DTD1: variants seen among roughly 807,000 people sequenced by gnomAD.
DTD1 encodes D-tyrosyl-tRNA deacylase 1 homolog.
A neutral mutation model predicts 25.6 loss-of-function variants in DTD1; 13 were observed. The observed-to-expected ratio is 0.51, with a 90% confidence interval of 0.33 to 0.81. The LOEUF (loss-of-function observed/expected upper bound fraction) is 0.81, where lower values mean the gene tolerates loss of function less well. Ranked by LOEUF, DTD1 falls within the 30% of genes least tolerant of loss-of-function variation. The pLI, the probability that DTD1 is intolerant of heterozygous loss-of-function variation, is 0.02. For missense variants in DTD1, 193 were observed against 266.4 expected, an observed-to-expected ratio of 0.72 and a Z score of 1.92; for synonymous variants, 110 against 103.6, an observed-to-expected ratio of 1.06 and a Z score of -0.37.
chr20:18,606,853 A>C (rs939365702), intron 3 of DTD1, among the ~76,000 whole-genome samples: 1 of 149,852 alleles, frequency 6.7e-6, no homozygotes, highest in African/African-American at 2.5e-5. Flanking sequence ...GGTGTAGCGC[A>C]CCAGCATGGC....
At chr20:18,664,818 AG>A (rs1411338057) in intron 4 of DTD1, among the ~76,000 whole-genome samples, 2 of 152,038 alleles carry the variant, frequency 1.3e-5, no homozygotes, top group Non-Finnish European at 2.9e-5. Flanking sequence ...TGGTCAGTTT[AG>A]GGGCCCTGCA....
intron 4 of DTD1, chr20:18,642,921 T>TTTCTG: frequency 6.6e-6 from 1 of 151,472 alleles, no homozygotes; most frequent in Non-Finnish European, 1.5e-5. Flanking sequence ...TTTCTTTTCT[T>TTTCTG]TTATTTTTTT....
chr20:18,736,738 C>T (rs534066707), intron 4 of DTD1, among the ~76,000 whole-genome samples: 1 of 152,172 alleles, frequency 6.6e-6, no homozygotes, highest in Non-Finnish European at 1.5e-5. Context: ...AAGGCAAGCC[C>T]CTCACCTGCC....
Position 18,765,375 on chromosome 20 carries a change from G to A in DTD1, c.*2035G>A, listed in dbSNP as rs1029449437. On this transcript the variant is annotated 3_prime_UTR_variant, in exon 6 of 6. Transcript: ENST00000377452. The stretch of plus-strand genomic sequence containing the variant: ...CTTTTGGTGTTTGAGCAGAAATTCT[G>A]AGCCTATATGTGTGAGGGGGGATCT... The A allele has an allele frequency of 6.6e-6, 1 of 152,220 alleles. No homozygotes were observed. Among genetic ancestry groups the A allele is most frequent in the African/African-American group, 2.4e-5 (1 of 41,452 alleles). The allele number at this position is 152,220 out of a possible 1,614,324, so 9.4% of individuals were successfully genotyped here.
intron 3 of DTD1, among the ~76,000 whole-genome samples, chr20:18,613,804 C>A (rs904457973): frequency 6.6e-6 from 1 of 152,154 alleles, no homozygotes; most frequent in East Asian, 1.9e-4. Context: ...GTGTTTAGGT[C>A]ATTTGTTGAT....
chr20:18,613,704 C>T (rs1259745618), intron 3 of DTD1, among the ~76,000 whole-genome samples: 6 of 152,138 alleles, frequency 3.9e-5, no homozygotes. Context: ...TGGTGTGATG[C>T]ATACTTTGAG....
chr20:18,688,659 T>G (rs6081300), intron 4 of DTD1, among the ~76,000 whole-genome samples: 151,920 of 152,112 alleles, frequency 1, 75,865 homozygotes, highest in Middle Eastern at 1. Flanking sequence ...GACCCATCTT[T>G]CTATACTAGA....
chr20:18,714,288 C>G (rs936633389), intron 4 of DTD1, among the ~76,000 whole-genome samples: 2 of 152,146 alleles, frequency 1.3e-5, no homozygotes, highest in East Asian at 3.8e-4. Context: ...CATTCCCAAC[C>G]ACTTGTGTGT....
intron 4 of DTD1, among the ~76,000 whole-genome samples, chr20:18,724,718 AT>A (rs1238811952): frequency 6.6e-6 from 1 of 152,224 alleles, no homozygotes; most frequent in Non-Finnish European, 1.5e-5. Flanking sequence ...TTTTCTTCAA[AT>A]TGACCTAAAA....
intron 4 of DTD1, among the ~76,000 whole-genome samples, chr20:18,708,652 G>A (rs1600383769): frequency 1.3e-5 from 2 of 151,722 alleles, no homozygotes; most frequent in Non-Finnish European, 2.9e-5. Context: ...CACTGCGCCC[G>A]GCCACGAACT....
At chr20:18,590,933 G>C (rs1207085303) in intron 1 of DTD1, among the ~76,000 whole-genome samples, 1 of 152,224 alleles carries the variant, frequency 6.6e-6, no homozygotes, top group Non-Finnish European at 1.5e-5. Context: ...TCTGTGAACA[G>C]TGTTGGAAGA....
intron 4 of DTD1, among the ~76,000 whole-genome samples, chr20:18,634,624 T>C (rs935581980): frequency 3.3e-5 from 5 of 152,248 alleles, no homozygotes; most frequent in African/African-American, 1.2e-4. Flanking sequence ...TCTGTATACT[T>C]GTCTTATCAG....
At chr20:18,632,732 A>G (rs2060793300) in intron 4 of DTD1, 1 of 883,670 alleles carries the variant, frequency 1.1e-6, no homozygotes, top group Admixed American at 6.2e-5. Context: ...CTTTTAAAAT[A>G]TAAATAAGTT....
intron 5 of DTD1, among the ~76,000 whole-genome samples, chr20:18,761,124 GCTGT>G (rs1414673724): frequency 6.6e-6 from 1 of 152,178 alleles, no homozygotes; most frequent in Non-Finnish European, 1.5e-5. Context: ...TTTTCCAGGT[GCTGT>G]CTATCACCCC....
intron 3 of DTD1, among the ~76,000 whole-genome samples, chr20:18,619,637 C>A (rs1023916180): frequency 6.6e-6 from 1 of 152,114 alleles, no homozygotes; most frequent in Admixed American, 6.5e-5. Context: ...GTTGCCCAGG[C>A]TGGTCTTGAA....
intron 5 of DTD1, among the ~76,000 whole-genome samples, chr20:18,760,314 A>T (rs956881844): frequency 6.6e-6 from 1 of 152,082 alleles, no homozygotes; most frequent in Non-Finnish European, 1.5e-5. Context: ...AGGTGCTCTG[A>T]TTTTTAGAAT....
intron 4 of DTD1, among the ~76,000 whole-genome samples, chr20:18,736,507 T>C (rs934820405): frequency 6.6e-6 from 1 of 152,262 alleles, no homozygotes; most frequent in Non-Finnish European, 1.5e-5. Context: ...AGGTGCTTCA[T>C]GAGTGATGCT....
At chr20:18,673,895 A>T (rs1298316278) in intron 4 of DTD1, among the ~76,000 whole-genome samples, 6 of 148,812 alleles carry the variant, frequency 4.0e-5, no homozygotes, top group African/African-American at 1.2e-4. Context: ...ATGAAATAAA[A>T]CCCTATGTTA....
At chr20:18,708,228 TA>T in intron 4 of DTD1, among the ~76,000 whole-genome samples, 1 of 5,136 alleles carries the variant, frequency 1.9e-4, no homozygotes, top group South Asian at 5.4e-3. Context: ...AATATATATA[TA>T]TTTTATATAT....
Sources: gnomAD v4.1 joint callset for allele counts (sites outside exome capture counted in the v4.1 genomes callset) on GRCh38, gnomAD v4.1.1 for gene constraint, MANE v1.5 for transcripts, NCBI Gene and HGNC (gene_info 2026-07-23, HGNC 2026-07-21) for gene names.